FOXN3: variants seen among roughly 807,000 people sequenced by gnomAD.
FOXN3 encodes the protein forkhead box protein N3.
FOXN3 carries 7 observed loss-of-function variants against 38.4 expected under a neutral mutation model. That is an observed-to-expected ratio of 0.18 (90% CI 0.10 to 0.34). The LOEUF (loss-of-function observed/expected upper bound fraction) is 0.34, where lower values mean the gene tolerates loss of function less well. Among genes scored for constraint, FOXN3 ranks in the 10% least tolerant of loss-of-function variants. The probability of loss-of-function intolerance (pLI) is 1.00; values close to 1 mark genes in which losing one functional copy is unlikely to be tolerated. For synonymous variants in FOXN3, 230 were observed against 242.2 expected, an observed-to-expected ratio of 0.95 and a Z score of 0.47; for missense variants, 456 against 613.4, an observed-to-expected ratio of 0.74 and a Z score of 2.71.
intron 4 of FOXN3, among the ~76,000 whole-genome samples, chr14:89,195,786 G>A (rs1398105885): frequency 6.6e-6 from 1 of 152,204 alleles, no homozygotes; most frequent in Non-Finnish European, 1.5e-5. Flanking sequence ...GGGTACGAGA[G>A]AACAAGCAAG....
chr14:89,246,521 C>T (rs1251050196), intron 4 of FOXN3, among the ~76,000 whole-genome samples: 1 of 133,888 alleles, frequency 7.5e-6, no homozygotes, highest in African/African-American at 2.7e-5. Flanking sequence ...CCTCCTTTCT[C>T]ATCTTATTTG....
At chr14:89,216,534 T>C (rs1566931284) in intron 4 of FOXN3, among the ~76,000 whole-genome samples, 1 of 152,106 alleles carries the variant, frequency 6.6e-6, no homozygotes, top group Non-Finnish European at 1.5e-5. Flanking sequence ...CTCCCTGCTA[T>C]CCCACTCTCC....
At chr14:89,221,583 C>G (rs568659502) in intron 4 of FOXN3, among the ~76,000 whole-genome samples, 1 of 152,250 alleles carries the variant, frequency 6.6e-6, no homozygotes, top group South Asian at 2.1e-4. Flanking sequence ...TTCTTCAACA[C>G]AGTCATAAAG....
At chr14:89,519,323 G>C (rs780988338) in intron 1 of FOXN3, among the ~76,000 whole-genome samples, 6 of 152,166 alleles carry the variant, frequency 3.9e-5, no homozygotes, top group Non-Finnish European at 7.4e-5. Context: ...TGAGGCAAGA[G>C]GTTTCTCTTC....
At chr14:89,573,360 T>G (rs952302103) in intron 1 of FOXN3, among the ~76,000 whole-genome samples, 4 of 152,160 alleles carry the variant, frequency 2.6e-5, no homozygotes, top group African/African-American at 9.7e-5. Context: ...TCATATATCA[T>G]CAAGTCTCAT....
At chr14:89,396,439 A>G (rs1891100000) in intron 2 of FOXN3, among the ~76,000 whole-genome samples, 1 of 152,192 alleles carries the variant, frequency 6.6e-6, no homozygotes, top group Admixed American at 6.5e-5. Context: ...TCATGTATAA[A>G]CCAAGATCAT....
At chr14:89,373,719 A>C (rs999743522) in intron 2 of FOXN3, among the ~76,000 whole-genome samples, 1 of 152,154 alleles carries the variant, frequency 6.6e-6, no homozygotes, top group African/African-American at 2.4e-5. Context: ...CAGTCATCTA[A>C]ACCACACCTT....
At chr14:89,529,746 T>C (rs1894516497) in intron 1 of FOXN3, among the ~76,000 whole-genome samples, 1 of 152,148 alleles carries the variant, frequency 6.6e-6, no homozygotes, top group African/African-American at 2.4e-5. Context: ...TTCTGGATTA[T>C]AATTAAGGCC....
intron 3 of FOXN3, chr14:89,349,900 G>A (rs1031790352): frequency 2.0e-5 from 3 of 152,148 alleles, no homozygotes; most frequent in African/African-American, 4.8e-5. Flanking sequence ...AGGTGGTTAC[G>A]ATAGAAACAT....
chr14:89,494,991 C>T (rs1294597737), intron 1 of FOXN3, among the ~76,000 whole-genome samples: 1 of 152,212 alleles, frequency 6.6e-6, no homozygotes, highest in Non-Finnish European at 1.5e-5. Context: ...AAAAGTCAAA[C>T]TCATTCACTG....
At chr14:89,393,101 G>A (rs1378220224) in intron 2 of FOXN3, among the ~76,000 whole-genome samples, 4 of 151,780 alleles carry the variant, frequency 2.6e-5, no homozygotes, top group East Asian at 1.9e-4. Context: ...CACCGTGCCC[G>A]GCTTAATTTT....
intron 2 of FOXN3, among the ~76,000 whole-genome samples, chr14:89,377,391 A>G (rs1890517733): frequency 6.6e-6 from 1 of 152,204 alleles, no homozygotes; most frequent in Non-Finnish European, 1.5e-5. Context: ...TAGATGACAG[A>G]CATCGAACTG....
intron 3 of FOXN3, among the ~76,000 whole-genome samples, chr14:89,311,471 C>CAAAA (rs34367113): frequency 9.1e-5 from 6 of 66,038 alleles, no homozygotes; most frequent in South Asian, 1.3e-3. Flanking sequence ...GACTCGGCCT[C>CAAAA]AAAAAAAAAA....
chr14:89,473,327 A>G (rs957350291), intron 1 of FOXN3, among the ~76,000 whole-genome samples: 2 of 151,106 alleles, frequency 1.3e-5, no homozygotes, highest in Non-Finnish European at 2.9e-5. Flanking sequence ...CCCGGCCAGA[A>G]GGTGATCATT....
intron 1 of FOXN3, among the ~76,000 whole-genome samples, chr14:89,476,113 G>A (rs560397692): frequency 6.6e-6 from 1 of 152,108 alleles, no homozygotes; most frequent in African/African-American, 2.4e-5. Flanking sequence ...CTGAGGAATG[G>A]GTTTAAACTT....
chr14:89,379,990 C>T (rs778939041), intron 2 of FOXN3, among the ~76,000 whole-genome samples: 3 of 152,124 alleles, frequency 2.0e-5, no homozygotes, highest in Non-Finnish European at 4.4e-5. Context: ...AATAACAGTA[C>T]CTTTTCCCAT....
chr14:89,519,134 G>A (rs1470002039), intron 1 of FOXN3, among the ~76,000 whole-genome samples: 1 of 152,194 alleles, frequency 6.6e-6, no homozygotes, highest in African/African-American at 2.4e-5. Context: ...CAAGCTGGAG[G>A]GGTGGGGAGA....
At chr14:89,322,348 G>C (rs984852857) in intron 3 of FOXN3, among the ~76,000 whole-genome samples, 1 of 152,188 alleles carries the variant, frequency 6.6e-6, no homozygotes, top group Non-Finnish European at 1.5e-5. Flanking sequence ...TCATCTATCA[G>C]TAGATGGTTA....
At chr14:89,289,726 C>G (rs1886804941) in intron 3 of FOXN3, among the ~76,000 whole-genome samples, 1 of 152,220 alleles carries the variant, frequency 6.6e-6, no homozygotes, top group African/African-American at 2.4e-5. Flanking sequence ...CGTACTCCTG[C>G]TGACAGCATA....
Sources: gnomAD v4.1 joint callset for allele counts (sites outside exome capture counted in the v4.1 genomes callset) on GRCh38, gnomAD v4.1.1 for gene constraint, MANE v1.5 for transcripts, NCBI Gene and HGNC (gene_info 2026-07-23, HGNC 2026-07-21) for gene names.